LRRC8D: variants seen among roughly 807,000 people sequenced by gnomAD.
LRRC8D encodes the protein volume-regulated anion channel subunit LRRC8D.
Under a neutral mutation model 55.8 loss-of-function variants are expected in LRRC8D, and 20 were observed. The observed-to-expected ratio is 0.36, with a 90% CI of 0.25 to 0.52. The LOEUF is 0.52. LRRC8D is among the 20% of genes least tolerant of loss of function. The pLI, the probability that LRRC8D is intolerant of heterozygous loss-of-function variation, is 0.93. For synonymous variants in LRRC8D, 352 were observed against 377.0 expected, an observed-to-expected ratio of 0.93 and a Z score of 0.77; for missense variants, 651 against 1,030.8, an observed-to-expected ratio of 0.63 and a Z score of 5.05.
intron 1 of LRRC8D, among the ~76,000 whole-genome samples, chr1:89,834,350 G>C (rs564021880): frequency 1.3e-5 from 2 of 152,312 alleles, no homozygotes; most frequent in African/African-American, 4.8e-5. Flanking sequence ...TATCATGTTA[G>C]TGCATTTCAG....
chr1:89,905,590 T>C (rs964675219), intron 2 of LRRC8D, among the ~76,000 whole-genome samples: 5 of 152,216 alleles, frequency 3.3e-5, no homozygotes, highest in Non-Finnish European at 7.3e-5. Flanking sequence ...TTGCAAAATA[T>C]CATCTTTATT....
intron 1 of LRRC8D, among the ~76,000 whole-genome samples, chr1:89,832,446 T>C (rs1660910417): frequency 1.3e-5 from 2 of 152,240 alleles, no homozygotes; most frequent in Admixed American, 1.3e-4. Flanking sequence ...CTGAACTATG[T>C]CTTTCTAGAC....
chr1:89,880,996 A>G (rs1285985822), intron 2 of LRRC8D, among the ~76,000 whole-genome samples: 8 of 152,222 alleles, frequency 5.3e-5, no homozygotes, highest in Non-Finnish European at 7.3e-5. Flanking sequence ...TTTGCCTCAG[A>G]TGATCCTAGA....
intron 2 of LRRC8D, among the ~76,000 whole-genome samples, chr1:89,894,315 C>T (rs141397013): frequency 5.8e-4 from 88 of 152,334 alleles, no homozygotes; most frequent in African/African-American, 2.1e-3. Flanking sequence ...GCAGTTCAGA[C>T]TAAGACAGCC....
rs1663857855 is a variant in LRRC8D at position 89,936,417 on chromosome 1, T to A, written c.*772T>A. 6.1e-6 allele frequency: 1 copy of A among 162,782 alleles called. No homozygotes were observed. The highest frequency in any genetic ancestry group is 1.5e-5 in the Non-Finnish European group (1 of 68,106). The allele number at this position is 162,782 out of a possible 1,614,324, so 10.1% of individuals were successfully genotyped here. A position where few individuals can be genotyped will look rare whatever the true frequency, so the allele number is the denominator to read the frequency against. ...ATAGAAAATGTTTTCTAAAAATAAATTTTATTACAACAAAATAAAAATTTT... is the reference window on the plus strand; with the variant it reads ...ATAGAAAATGTTTTCTAAAAATAAAATTTATTACAACAAAATAAAAATTTT... On this transcript the variant is annotated 3_prime_UTR_variant, in exon 3 of 3. Transcript: ENST00000337338.
chr1:89,919,816 T>A (rs1297075270), intron 2 of LRRC8D, among the ~76,000 whole-genome samples: 3 of 152,200 alleles, frequency 2.0e-5, no homozygotes, highest in Non-Finnish European at 4.4e-5. Context: ...TTTAATTTTT[T>A]AAAAAATTAT....
At chr1:89,822,729 GCTT>G (rs768740991) in intron 1 of LRRC8D, among the ~76,000 whole-genome samples, 36 of 152,104 alleles carry the variant, frequency 2.4e-4, no homozygotes, top group Admixed American at 6.5e-5. Flanking sequence ...TGGGACCTCT[GCTT>G]CTTACAGACC....
intron 2 of LRRC8D, among the ~76,000 whole-genome samples, chr1:89,883,452 T>C (rs1000309603): frequency 6.6e-6 from 1 of 152,150 alleles, no homozygotes; most frequent in Non-Finnish European, 1.5e-5. Context: ...CCCTGGGTTT[T>C]CTGAGTGCAG....
At chr1:89,880,585 C>T (rs1030934322) in intron 2 of LRRC8D, among the ~76,000 whole-genome samples, 1 of 151,740 alleles carries the variant, frequency 6.6e-6, no homozygotes. Flanking sequence ...TGCTTGGTGC[C>T]TTATGTGTAT....
At chr1:89,914,869 A>G (rs1261752122) in intron 2 of LRRC8D, among the ~76,000 whole-genome samples, 2 of 152,144 alleles carry the variant, frequency 1.3e-5, no homozygotes, top group Non-Finnish European at 2.9e-5. Context: ...GGGCCGTGTC[A>G]TTTTAGATAT....
At chr1:89,833,785 G>A (rs1241265692) in intron 1 of LRRC8D, 1 of 152,306 alleles carries the variant, frequency 6.6e-6, no homozygotes, top group Non-Finnish European at 1.5e-5. Context: ...GAGGTAGGTG[G>A]TTGGGGAAGG....
chr1:89,902,636 A>G (rs1172850071), intron 2 of LRRC8D, among the ~76,000 whole-genome samples: 1 of 150,740 alleles, frequency 6.6e-6, no homozygotes, highest in Non-Finnish European at 1.5e-5. Context: ...TCCTAGGTCC[A>G]CGCCATTCTC....
At chr1:89,929,671 C>T (rs1053005378) in intron 2 of LRRC8D, 2 of 152,186 alleles carry the variant, frequency 1.3e-5, no homozygotes, top group African/African-American at 4.8e-5. Flanking sequence ...TAGGCAATTT[C>T]ATTGTTGTGT....
chr1:89,892,815 T>A (rs1210570542), intron 2 of LRRC8D, among the ~76,000 whole-genome samples: 1 of 152,220 alleles, frequency 6.6e-6, no homozygotes, highest in African/African-American at 2.4e-5. Flanking sequence ...CCACTGTGCC[T>A]GGCCGTAGAT....
chr1:89,933,009 C>A lies in LRRC8D; in HGVS notation c.-2-58C>A. 2.0e-6 allele frequency: 3 copies of A among 1,498,126 alleles called. No individual in the cohort carries two copies. The highest frequency in any genetic ancestry group is 2.6e-5 in the South Asian group (2 of 77,432). 92.8% of individuals were successfully genotyped at this position (1,498,126 alleles called of 1,614,324 possible). ...TTAGGAGCAGGCATAGGGTTTTTCT[C>A]ATTTACTCTTTTCATTTGCATCTCT... On this transcript the variant is annotated intron_variant, in intron 2 of 2. Transcript: ENST00000337338. This position sits in a 1 kb window ranked among gnomAD's most constrained non-coding sequence, Gnocchi z 7.0.
chr1:89,848,708 GTTTT>G (rs1209680630), intron 2 of LRRC8D, among the ~76,000 whole-genome samples: 3 of 150,640 alleles, frequency 2.0e-5, no homozygotes, highest in Non-Finnish European at 4.4e-5. Flanking sequence ...GTTTTTTGGG[GTTTT>G]TTTTTGAGAC....
intron 1 of LRRC8D, among the ~76,000 whole-genome samples, chr1:89,839,393 T>G (rs1661078790): frequency 6.6e-6 from 1 of 152,212 alleles, no homozygotes; most frequent in Admixed American, 6.5e-5. Flanking sequence ...CCTACCTGCC[T>G]GGTGGTTGGA....
intron 2 of LRRC8D, among the ~76,000 whole-genome samples, chr1:89,899,342 C>A (rs1378513481): frequency 6.6e-6 from 1 of 152,232 alleles, no homozygotes; most frequent in Non-Finnish European, 1.5e-5. Context: ...GTCTTTTCTG[C>A]ATGGTCAAAT....
chr1:89,829,052 A>G (rs1157791972), intron 1 of LRRC8D, among the ~76,000 whole-genome samples: 2 of 152,214 alleles, frequency 1.3e-5, no homozygotes, highest in African/African-American at 4.8e-5. Context: ...AATTCTCTTC[A>G]CTGATTGCTT....
Sources: gnomAD v4.1 joint callset for allele counts (sites outside exome capture counted in the v4.1 genomes callset) on GRCh38, gnomAD v4.1.1 for gene constraint, Gnocchi (gnomAD v3.1) non-coding constraint, MANE v1.5 for transcripts, NCBI Gene and HGNC (gene_info 2026-07-23, HGNC 2026-07-21) for gene names.